PELI2: variants seen among roughly 807,000 people sequenced by gnomAD.
PELI2 encodes the protein pellino E3 ubiquitin protein ligase family member 2.
Under a neutral mutation model 42.3 loss-of-function variants are expected in PELI2, and 23 were observed. The observed-to-expected ratio is 0.54, with a 90% confidence interval of 0.39 to 0.77. PELI2 has a LOEUF of 0.77. Among genes scored for constraint, PELI2 ranks in the 30% least tolerant of loss-of-function variants. The pLI is 0.00. For missense variants in PELI2, 463 were observed against 553.2 expected, an observed-to-expected ratio of 0.84 and a Z score of 1.64; for synonymous variants, 245 against 212.2, an observed-to-expected ratio of 1.15 and a Z score of -1.34.
At chr14:56,171,477 A>G (rs1012851175) in intron 1 of PELI2, among the ~76,000 whole-genome samples, 3 of 152,200 alleles carry the variant, frequency 2.0e-5, no homozygotes, top group Non-Finnish European at 4.4e-5. Context: ...AGTCTCAGGT[A>G]TTCTGTTATA....
At chr14:56,207,890 CAGG>C (rs1886577406) in intron 2 of PELI2, among the ~76,000 whole-genome samples, 2 of 152,228 alleles carry the variant, frequency 1.3e-5, no homozygotes, top group African/African-American at 4.8e-5. Context: ...TGCCTTCTCT[CAGG>C]ACAGACTGTG....
chr14:56,188,213 C>T (rs548322370), intron 2 of PELI2, among the ~76,000 whole-genome samples: 50 of 152,326 alleles, frequency 3.3e-4, no homozygotes, highest in Middle Eastern at 3.4e-3. Flanking sequence ...CAGATACTAT[C>T]TTTCATTTCT....
At chr14:56,213,100 A>C (rs761294915) in intron 2 of PELI2, among the ~76,000 whole-genome samples, 1 of 152,172 alleles carries the variant, frequency 6.6e-6, no homozygotes, top group Non-Finnish European at 1.5e-5. Flanking sequence ...CCCATCTTTA[A>C]AATTATTCCT....
chr14:56,282,449 A>T (rs1889511536), intron 3 of PELI2, among the ~76,000 whole-genome samples: 4 of 152,098 alleles, frequency 2.6e-5, no homozygotes, highest in African/African-American at 7.2e-5. Context: ...TATATGCATT[A>T]AAAAATCTCC....
At chr14:56,229,870 G>C (rs1038360127) in intron 2 of PELI2, among the ~76,000 whole-genome samples, 2 of 152,146 alleles carry the variant, frequency 1.3e-5, no homozygotes, top group Non-Finnish European at 2.9e-5. Context: ...TGGACAAATG[G>C]CTAACCAGAA....
intron 1 of PELI2, among the ~76,000 whole-genome samples, chr14:56,175,407 T>C (rs1302154776): frequency 6.6e-6 from 1 of 152,234 alleles, no homozygotes; most frequent in Non-Finnish European, 1.5e-5. Flanking sequence ...ATCATATTTG[T>C]TATTGTGCCT....
At chr14:56,287,251 C>G (rs1389706156) in intron 3 of PELI2, among the ~76,000 whole-genome samples, 2 of 152,206 alleles carry the variant, frequency 1.3e-5, no homozygotes, top group Non-Finnish European at 2.9e-5. Flanking sequence ...AATAGAGGCT[C>G]AGGACAGGTT....
chr14:56,179,004 G>A (rs1005165276), intron 2 of PELI2, among the ~76,000 whole-genome samples: 2 of 151,894 alleles, frequency 1.3e-5, no homozygotes, highest in Non-Finnish European at 2.9e-5. Flanking sequence ...AAGTATACAC[G>A]ACCAAGTGAT....
At chr14:56,264,427 A>T (rs1186445398) in intron 2 of PELI2, among the ~76,000 whole-genome samples, 1 of 152,164 alleles carries the variant, frequency 6.6e-6, no homozygotes, top group Non-Finnish European at 1.5e-5. Context: ...TACACCAGAA[A>T]AAGGAGGAGG....
At chr14:56,141,652 G>A (rs1239903605) in intron 1 of PELI2, among the ~76,000 whole-genome samples, 1 of 152,158 alleles carries the variant, frequency 6.6e-6, no homozygotes, top group African/African-American at 2.4e-5. Context: ...GTCAGCGGGA[G>A]AGAGAGTGAG....
At chr14:56,123,823 C>T (rs1184539986) in intron 1 of PELI2, among the ~76,000 whole-genome samples, 3 of 152,084 alleles carry the variant, frequency 2.0e-5, no homozygotes, top group Non-Finnish European at 2.9e-5. Flanking sequence ...ACAAAATAGC[C>T]GTTGCTATAT....
chr14:56,215,128 G>T (rs1231238751), intron 2 of PELI2, among the ~76,000 whole-genome samples: 1 of 152,180 alleles, frequency 6.6e-6, no homozygotes, highest in Non-Finnish European at 1.5e-5. Context: ...CTATGTGACA[G>T]TCTCACTTCT....
intron 2 of PELI2, among the ~76,000 whole-genome samples, chr14:56,258,099 A>G (rs1888583108): frequency 1.3e-5 from 2 of 152,216 alleles, no homozygotes; most frequent in Admixed American, 6.5e-5. Context: ...AAAGATCTCA[A>G]AATACCAGGG....
At chr14:56,229,490 T>C (rs1344758973) in intron 2 of PELI2, among the ~76,000 whole-genome samples, 2 of 152,074 alleles carry the variant, frequency 1.3e-5, no homozygotes, top group Non-Finnish European at 2.9e-5. Context: ...GGGTCTGGAG[T>C]AGACCTCCAG....
chr14:56,255,397 A>G (rs1416421808), intron 2 of PELI2, among the ~76,000 whole-genome samples: 1 of 152,160 alleles, frequency 6.6e-6, no homozygotes, highest in Non-Finnish European at 1.5e-5. Flanking sequence ...CAGAAAACCA[A>G]ACACCACATA....
At chr14:56,150,369 C>G (rs1244199409) in intron 1 of PELI2, among the ~76,000 whole-genome samples, 1 of 152,102 alleles carries the variant, frequency 6.6e-6, no homozygotes, top group Non-Finnish European at 1.5e-5. Flanking sequence ...GTTAATTGGT[C>G]CAATGTAATC....
intron 2 of PELI2, among the ~76,000 whole-genome samples, chr14:56,214,796 G>A (rs1309270506): frequency 6.6e-6 from 1 of 152,232 alleles, no homozygotes; most frequent in Non-Finnish European, 1.5e-5. Flanking sequence ...GGGAAAGGCT[G>A]ATTGGAAGGG....
At chr14:56,244,213 G>C (rs951038423) in intron 2 of PELI2, among the ~76,000 whole-genome samples, 5 of 152,176 alleles carry the variant, frequency 3.3e-5, no homozygotes, top group Non-Finnish European at 5.9e-5. Context: ...TGAGAAGTTT[G>C]CAACATCAAC....
chr14:56,188,032 G>T (rs1305398850), intron 2 of PELI2, among the ~76,000 whole-genome samples: 2 of 152,192 alleles, frequency 1.3e-5, no homozygotes, highest in Non-Finnish European at 2.9e-5. Flanking sequence ...ATTCGGAAAA[G>T]TTGGCCCAGC....
Sources: gnomAD v4.1 joint callset for allele counts (sites outside exome capture counted in the v4.1 genomes callset) on GRCh38, gnomAD v4.1.1 for gene constraint, MANE v1.5 for transcripts, NCBI Gene and HGNC (gene_info 2026-07-23, HGNC 2026-07-21) for gene names.